Variants in CCSER1 observed in about 807,000 individuals in gnomAD.
The protein encoded by CCSER1 is serine-rich coiled-coil domain-containing protein 1.
In CCSER1, 41 loss-of-function variants were observed where a neutral mutation model predicts 82.0. The ratio of observed to expected loss-of-function variants is 0.50; its 90% CI spans 0.39 to 0.65. The LOEUF is 0.65. Among genes scored for constraint, CCSER1 ranks in the 30% least tolerant of loss-of-function variants. CCSER1 has a pLI of 0.00. For synonymous variants in CCSER1, 414 were observed against 383.9 expected (o/e 1.08, Z -0.92); for missense variants, 1,119 against 1,064.2 (o/e 1.05, Z -0.72).
intron 3 of CCSER1, among the ~76,000 whole-genome samples, chr4:90,377,661 A>G (rs1439627237): frequency 6.6e-6 from 1 of 152,172 alleles, no homozygotes; most frequent in African/African-American, 2.4e-5. Flanking sequence ...AAACGTAAAT[A>G]TTACTAAAAT....
At chr4:91,441,679 T>G (rs1462297858) in intron 10 of CCSER1, among the ~76,000 whole-genome samples, 3 of 152,156 alleles carry the variant, frequency 2.0e-5, no homozygotes, top group Admixed American at 1.3e-4. Context: ...GGAAGTCAAA[T>G]TGTCCCTGTT....
At position 90,308,796 on chromosome 4, in the gene CCSER1, G is replaced by T. The variant is rs748810862; in HGVS notation, c.512G>T (p.Arg171Leu). 6.2e-7 allele frequency: 1 copy of T among 1,613,646 alleles called. No individual in the cohort carries two copies. The highest frequency in any genetic ancestry group is 8.5e-7 in the Non-Finnish European group (1 of 1,179,828). The change falls in exon 2 of 11, where the codon CGT becomes CTT. Residue 171 changes from arginine to leucine, a missense_variant. Arg to Leu is a moderately radical substitution (Grantham distance 102). Transcript: ENST00000509176. ...GGTTTCACAGAAGACCAAACTCGTC[G>T]TTCTGTTAAGCAGTCAACAAGGAAG... is the stretch of plus-strand genomic sequence containing the variant. ...DSGFTEDQTR[R>L]SVKQSTRKLL...
At chr4:91,321,026 G>C (rs1703075737) in intron 10 of CCSER1, among the ~76,000 whole-genome samples, 1 of 151,912 alleles carries the variant, frequency 6.6e-6, no homozygotes, top group South Asian at 2.1e-4. Flanking sequence ...GTTTTACCTT[G>C]TCTTATATTT....
At chr4:90,845,779 C>T (rs1763158030) in intron 8 of CCSER1, among the ~76,000 whole-genome samples, 1 of 150,756 alleles carries the variant, frequency 6.6e-6, no homozygotes, top group Non-Finnish European at 1.5e-5. Flanking sequence ...ATTTATACAG[C>T]CTATAATGTT....
intron 7 of CCSER1, among the ~76,000 whole-genome samples, chr4:90,792,822 C>G (rs1410425608): frequency 6.6e-6 from 1 of 152,178 alleles, no homozygotes; most frequent in East Asian, 1.9e-4. Flanking sequence ...AATTTAGATA[C>G]TTCCAAGGGC....
chr4:91,375,120 C>A (rs887378026), intron 10 of CCSER1, among the ~76,000 whole-genome samples: 20 of 152,284 alleles, frequency 1.3e-4, no homozygotes, highest in African/African-American at 4.8e-4. Flanking sequence ...TCACTAAGAA[C>A]AGTCATGATT....
intron 9 of CCSER1, among the ~76,000 whole-genome samples, chr4:91,043,232 A>G (rs992216029): frequency 2.6e-5 from 4 of 152,138 alleles, no homozygotes; most frequent in African/African-American, 9.6e-5. Flanking sequence ...AAAAAAAGAA[A>G]TGTTATTATG....
chr4:90,449,446 T>G (rs1578520200), intron 4 of CCSER1, among the ~76,000 whole-genome samples: 1 of 152,180 alleles, frequency 6.6e-6, no homozygotes, highest in East Asian at 1.9e-4. Context: ...TCACTGGGGA[T>G]CCACCCTTTT....
intron 1 of CCSER1, among the ~76,000 whole-genome samples, chr4:90,307,760 G>A (rs560861510): frequency 2.2e-4 from 33 of 152,198 alleles, no homozygotes; most frequent in Non-Finnish European, 2.6e-4. Flanking sequence ...TTGAGCTCAC[G>A]TCAGTAACTT....
intron 8 of CCSER1, among the ~76,000 whole-genome samples, chr4:90,907,830 C>T (rs1346606386): frequency 3.3e-5 from 5 of 151,894 alleles, no homozygotes; most frequent in Non-Finnish European, 1.5e-5. Flanking sequence ...TCCAATCTTT[C>T]CCTACTTAAA....
chr4:90,416,373 A>G (rs983670575), intron 4 of CCSER1, among the ~76,000 whole-genome samples: 3 of 152,192 alleles, frequency 2.0e-5, no homozygotes, highest in Non-Finnish European at 4.4e-5. Context: ...GAAACTACAA[A>G]TTAATATCAA....
intron 10 of CCSER1, among the ~76,000 whole-genome samples, chr4:91,583,864 T>A (rs897203352): frequency 6.6e-6 from 1 of 151,336 alleles, no homozygotes. Flanking sequence ...ATTTTAGGGA[T>A]GAACTTGAAA....
intron 8 of CCSER1, among the ~76,000 whole-genome samples, chr4:90,822,876 AC>A (rs1759949380): frequency 6.6e-6 from 1 of 152,220 alleles, no homozygotes; most frequent in Admixed American, 6.5e-5. Context: ...CATTATTTAA[AC>A]AAAAAAGCAA....
intron 1 of CCSER1, among the ~76,000 whole-genome samples, chr4:90,306,188 G>A (rs935425913): frequency 7.2e-5 from 11 of 152,194 alleles, no homozygotes; most frequent in Non-Finnish European, 1.0e-4. Context: ...GGGGGCTGGG[G>A]TGTCGGGGCC....
chr4:90,221,304 T>C (rs919969805), intron 1 of CCSER1, among the ~76,000 whole-genome samples: 2 of 152,164 alleles, frequency 1.3e-5, no homozygotes, highest in Non-Finnish European at 2.9e-5. Flanking sequence ...GCTTAGAGTA[T>C]ATGACAGTTA....
At chr4:90,361,366 C>G (rs1051696019) in intron 3 of CCSER1, among the ~76,000 whole-genome samples, 2 of 152,196 alleles carry the variant, frequency 1.3e-5, no homozygotes, top group East Asian at 1.9e-4. Context: ...TTTACAATAT[C>G]TAACTAAAAT....
intron 3 of CCSER1, among the ~76,000 whole-genome samples, chr4:90,341,282 T>C (rs1403603363): frequency 1.3e-5 from 2 of 152,080 alleles, no homozygotes; most frequent in Non-Finnish European, 2.9e-5. Context: ...TCTGTGATCT[T>C]ATGAGAGTTT....
chr4:90,820,397 C>G (rs1371247638), intron 8 of CCSER1, among the ~76,000 whole-genome samples: 1 of 152,158 alleles, frequency 6.6e-6, no homozygotes, highest in African/African-American at 2.4e-5. Context: ...GATCAAGGAG[C>G]TAGCAGGTTA....
chr4:90,330,853 G>A (rs1739151808), intron 3 of CCSER1, among the ~76,000 whole-genome samples: 1 of 152,082 alleles, frequency 6.6e-6, no homozygotes, highest in Non-Finnish European at 1.5e-5. Flanking sequence ...GTTTTGCTTT[G>A]TATTTTTTTG....
Sources: gnomAD v4.1 joint callset for allele counts (sites outside exome capture counted in the v4.1 genomes callset) on GRCh38, gnomAD v4.1.1 for gene constraint, MANE v1.5 for transcripts, NCBI Gene and HGNC (gene_info 2026-07-23, HGNC 2026-07-21) for gene names.